ARHGAP6: variants seen among roughly 807,000 people sequenced by gnomAD.
ARHGAP6 encodes rho GTPase-activating protein 6.
Under a neutral mutation model 55.7 loss-of-function variants are expected in ARHGAP6, and 16 were observed. The observed-to-expected ratio is 0.29, with a 90% CI of 0.19 to 0.44. The LOEUF (loss-of-function observed/expected upper bound fraction) is 0.44. ARHGAP6 is among the 20% of genes least tolerant of loss of function. The pLI, the probability that ARHGAP6 is intolerant of heterozygous loss-of-function variation, is 1.00. For missense variants in ARHGAP6, 698 were observed against 808.9 expected, an observed-to-expected ratio of 0.86 and a Z score of 1.66; for synonymous variants, 382 against 360.9, an observed-to-expected ratio of 1.06 and a Z score of -0.66.
intron 1 of ARHGAP6, among the ~76,000 whole-genome samples, chrX:11,283,662 T>C (rs1159353558): frequency 1.8e-5 from 2 of 111,688 alleles, no homozygotes; most frequent in African/African-American, 6.5e-5. Context: ...AACTTAAATG[T>C]GGAACAGGGA....
chrX:11,543,200 G>A (rs2051177533), intron 1 of ARHGAP6, among the ~76,000 whole-genome samples: 3 of 112,717 alleles, frequency 2.7e-5, no homozygotes, highest in Admixed American at 1.9e-4. Flanking sequence ...TCCCCTTAGA[G>A]CTTCTGTTCT....
At chrX:11,527,011 A>AGT (rs59668043) in intron 1 of ARHGAP6, among the ~76,000 whole-genome samples, 21,138 of 80,759 alleles carry the variant, frequency 0.26, 2,663 homozygotes, top group East Asian at 0.38. Context: ...TAATATGAGG[A>AGT]GTGTGTGTGT....
chrX:11,323,866 C>CAAAAAAAA (rs61462099), intron 1 of ARHGAP6, among the ~76,000 whole-genome samples: 42 of 40,088 alleles, frequency 1.0e-3, no homozygotes, highest in Non-Finnish European at 1.3e-3. Context: ...ACCCCCATTT[C>CAAAAAAAA]AAAAAAAAAA....
chrX:11,159,130 G>A lies in ARHGAP6; in HGVS notation c.1810-2504C>T, dbSNP rs553441113. Among the ~76,000 whole-genome samples the A allele has an allele frequency of 4.3e-4, 48 of 111,474 alleles. No homozygotes were observed. In the South Asian group the frequency reaches 0.018, roughly 42 times the overall value. Reference sequence around the variant, plus strand: ...GTCTTGAGTCAAGAGTGATGAGGAGGTCTGTGAGGCTGGAAGAGAGTAGGA... The same window carrying A: ...GTCTTGAGTCAAGAGTGATGAGGAGATCTGTGAGGCTGGAAGAGAGTAGGA... On this transcript the variant is annotated intron_variant, in intron 9 of 12. Transcript: ENST00000337414.
rs377288387 is a variant in ARHGAP6 at position 11,475,790 on chromosome X, T to TAA, written c.588+188449_588+188450dup. On this transcript the variant is annotated intron_variant, in intron 1 of 12. Transcript: ENST00000337414. ...TCATGAAAAGACATCATTGCTGAAG[T>TAA]AAAAAAAAAAAAAGCACCACAGACT... Among the ~76,000 whole-genome samples, 78 of 92,430 alleles carry TAA rather than the reference T, an allele frequency of 8.4e-4. 1 individual carries two copies. The highest frequency in any genetic ancestry group is 1.7e-3 in the African/African-American group (42 of 25,417). The allele number at this position is 92,430 out of a possible 115,157, so 80.3% of individuals were successfully genotyped here.
At chrX:11,662,887 A>C (rs774796072) in intron 1 of ARHGAP6, among the ~76,000 whole-genome samples, 17 of 112,106 alleles carry the variant, frequency 1.5e-4, no homozygotes, top group African/African-American at 5.2e-4. Context: ...CCCCTCCTAA[A>C]GACCAAGAGA....
intron 1 of ARHGAP6, among the ~76,000 whole-genome samples, chrX:11,546,315 G>A (rs182169531): frequency 4.5e-5 from 5 of 110,172 alleles, no homozygotes; most frequent in African/African-American, 1.6e-4. Context: ...TCATCATACT[G>A]GGCAGAATTT....
intron 3 of ARHGAP6, among the ~76,000 whole-genome samples, chrX:11,189,622 G>A (rs2046429109): frequency 9.0e-6 from 1 of 111,429 alleles, no homozygotes. Flanking sequence ...TGTCACTCTC[G>A]TGATCTACAC....
intron 1 of ARHGAP6, among the ~76,000 whole-genome samples, chrX:11,613,820 A>G (rs1329526386): frequency 8.9e-6 from 1 of 112,225 alleles, no homozygotes; most frequent in East Asian, 2.8e-4. Context: ...TCCTGACTGT[A>G]TTCACCCTCT....
intron 1 of ARHGAP6, among the ~76,000 whole-genome samples, chrX:11,430,104 G>C (rs914318498): frequency 8.9e-6 from 1 of 111,889 alleles, no homozygotes; most frequent in Admixed American, 9.4e-5. Flanking sequence ...ACAACACAAG[G>C]TGGATCCCTG....
intron 2 of ARHGAP6, among the ~76,000 whole-genome samples, chrX:11,231,935 T>C (rs1289100974): frequency 8.9e-6 from 1 of 112,434 alleles, no homozygotes; most frequent in Non-Finnish European, 1.9e-5. Context: ...GTTGAATAAA[T>C]GTTAGCTATT....
At chrX:11,456,066 C>T (rs746203099) in intron 1 of ARHGAP6, among the ~76,000 whole-genome samples, 7 of 111,992 alleles carry the variant, frequency 6.3e-5, no homozygotes, top group Non-Finnish European at 5.6e-5. Context: ...TTTCTATAAA[C>T]TTTCAGCCAG....
At chrX:11,176,743 A>G (rs1237261151) in intron 8 of ARHGAP6, among the ~76,000 whole-genome samples, 1 of 111,324 alleles carries the variant, frequency 9.0e-6, no homozygotes, top group African/African-American at 3.3e-5. Context: ...GAGTAATAAA[A>G]CTACTTAACA....
At chrX:11,340,715 T>C (rs59445505) in intron 1 of ARHGAP6, among the ~76,000 whole-genome samples, 2,279 of 101,988 alleles carry the variant, frequency 0.022, 79 homozygotes, top group African/African-American at 0.049. Flanking sequence ...GGAGAAAGAG[T>C]GAGACTCCGT....
At chrX:11,610,489 T>C (rs966570038) in intron 1 of ARHGAP6, among the ~76,000 whole-genome samples, 6 of 111,812 alleles carry the variant, frequency 5.4e-5, no homozygotes, top group African/African-American at 2.0e-4. Flanking sequence ...TGGATTGTTA[T>C]ATGCACTCTA....
intron 1 of ARHGAP6, among the ~76,000 whole-genome samples, chrX:11,306,114 G>A (rs771530112): frequency 2.7e-5 from 3 of 111,418 alleles, no homozygotes; most frequent in Non-Finnish European, 5.7e-5. Flanking sequence ...ACTGCTCTAC[G>A]TTGGCTGGCA....
intron 1 of ARHGAP6, among the ~76,000 whole-genome samples, chrX:11,257,418 G>A (rs1190727293): frequency 1.8e-5 from 2 of 112,166 alleles, no homozygotes; most frequent in African/African-American, 6.5e-5. Context: ...CTGGCTTGGT[G>A]GGATGAAAGC....
intron 1 of ARHGAP6, among the ~76,000 whole-genome samples, chrX:11,619,890 G>A (rs1238599345): frequency 8.9e-6 from 1 of 111,840 alleles, no homozygotes; most frequent in Non-Finnish European, 1.9e-5. Flanking sequence ...TCATTCCTGA[G>A]GATTTTCCAG....
Position 11,490,894 on chromosome X carries a change from C to A in ARHGAP6, c.588+173347G>T, listed in dbSNP as rs998527220. 4.4e-5 allele frequency among the ~76,000 whole-genome samples: 5 copies of A among 112,388 alleles called. No homozygotes were observed. The Admixed American group carries it at 4.7e-4, about 11-fold the overall frequency. The stretch of plus-strand genomic sequence containing the variant: ...TCATAGTATATCAACATTGAAACAT[C>A]AGATAAAAACTTAACCATTTTTCAA... On this transcript the variant is annotated intron_variant, in intron 1 of 12. Transcript: ENST00000337414.
Sources: gnomAD v4.1 joint callset for allele counts (sites outside exome capture counted in the v4.1 genomes callset) on GRCh38, gnomAD v4.1.1 for gene constraint, MANE v1.5 for transcripts, NCBI Gene and HGNC (gene_info 2026-07-23, HGNC 2026-07-21) for gene names.